WDR35: variants seen among roughly 807,000 people sequenced by gnomAD.
WDR35 encodes WD repeat-containing protein 35.
A neutral mutation model predicts 158.3 loss-of-function variants in WDR35; 118 were observed. That is an observed-to-expected ratio of 0.75 (90% CI 0.64 to 0.87). WDR35 has a LOEUF of 0.87. Among genes scored for constraint, WDR35 ranks in the 40% least tolerant of loss-of-function variants. The probability of loss-of-function intolerance (pLI) is 0.00; values close to 1 mark genes in which losing one functional copy is unlikely to be tolerated. For missense variants in WDR35, 1,263 were observed against 1,405.8 expected, an observed-to-expected ratio of 0.90 and a Z score of 1.62; for synonymous variants, 448 against 476.1, an observed-to-expected ratio of 0.94 and a Z score of 0.77.
intron 11 of WDR35, among the ~76,000 whole-genome samples, chr2:19,955,984 A>C (rs1671415832): frequency 6.6e-6 from 1 of 152,148 alleles, no homozygotes; most frequent in African/African-American, 2.4e-5. Context: ...CAACCTCTGG[A>C]GGGAGCTCAA....
Position 19,970,743 on chromosome 2 carries a change from A to G in WDR35, c.883-1138T>C, listed in dbSNP as rs553864092. Among the ~76,000 whole-genome samples, 10 of 152,216 alleles carry G rather than the reference A, an allele frequency of 6.6e-5. No homozygotes were observed. The East Asian group carries it at 1.9e-3, about 29-fold the overall frequency. ...CTGCCTCCACAGCTTTGGCCTATAC[A>G]ATATCCCTTCTGCCTGAAATCCCCC... On this transcript the variant is annotated intron_variant, in intron 8 of 26. Coordinates refer to ENST00000281405, the MANE Select transcript of WDR35 (RefSeq NM_020779.4).
At position 19,963,086 on chromosome 2, in the gene WDR35, CACT is replaced by C. The variant is rs1671716191; in HGVS notation, c.1195-2475_1195-2473del. 5.3e-5 allele frequency among the ~76,000 whole-genome samples: 8 copies of C among 152,238 alleles called. No homozygotes were observed. The South Asian group carries it at 1.7e-3, about 32-fold the overall frequency. ...TTTAGTCCATTAGCTCTTGCCTCCC[CACT>C]ACAAATGACAAGTCTTTAGCTTTCT... On this transcript the variant is annotated intron_variant, in intron 10 of 26. Coordinates refer to ENST00000281405, the MANE Select transcript of WDR35 (RefSeq NM_020779.4).
chr2:19,948,626 A>T (rs1284477621), intron 13 of WDR35, among the ~76,000 whole-genome samples: 1 of 152,218 alleles, frequency 6.6e-6, no homozygotes, highest in Non-Finnish European at 1.5e-5. Context: ...GTAAGAAGGC[A>T]TTGCACTGCA....
intron 11 of WDR35, among the ~76,000 whole-genome samples, chr2:19,958,387 AT>A (rs1359226703): frequency 7.3e-6 from 1 of 137,906 alleles, no homozygotes; most frequent in African/African-American, 2.5e-5. Context: ...ACCAATAACC[AT>A]TTACCTGGCA....
chr2:19,950,852 AGAG>A (rs374988831), intron 13 of WDR35, among the ~76,000 whole-genome samples: 11 of 74,304 alleles, frequency 1.5e-4, no homozygotes, highest in East Asian at 2.4e-4. Flanking sequence ...AACCTGTAAG[AGAG>A]GAGATGACAT....
chr2:19,966,029 C>T (rs191919505), intron 10 of WDR35, among the ~76,000 whole-genome samples: 162 of 152,206 alleles, frequency 1.1e-3, no homozygotes, highest in African/African-American at 3.7e-3. Context: ...CTTTCTGGTC[C>T]CTATGGGCTT....
At chr2:19,927,394 T>C (rs570188101) in intron 25 of WDR35, among the ~76,000 whole-genome samples, 20 of 152,338 alleles carry the variant, frequency 1.3e-4, no homozygotes, top group Non-Finnish European at 2.1e-4. Context: ...ATGATTCCTA[T>C]GGAATCATTA....
At chr2:19,962,823 A>G (rs1671705871) in intron 10 of WDR35, among the ~76,000 whole-genome samples, 1 of 152,304 alleles carries the variant, frequency 6.6e-6, no homozygotes, top group Non-Finnish European at 1.5e-5. Flanking sequence ...CTCTTCCACT[A>G]CTTAAAATAA....
intron 19 of WDR35, among the ~76,000 whole-genome samples, chr2:19,936,794 G>A (rs769437405): frequency 2.6e-5 from 4 of 152,066 alleles, no homozygotes; most frequent in African/African-American, 4.8e-5. Context: ...ACTTGTTGAC[G>A]CCTTGATCTT....
chr2:19,923,075 G>A (rs1203094375), intron 25 of WDR35, among the ~76,000 whole-genome samples: 1 of 152,176 alleles, frequency 6.6e-6, no homozygotes, highest in African/African-American at 2.4e-5. Flanking sequence ...AATATCTATA[G>A]AAACAAGGCT....
intron 12 of WDR35, among the ~76,000 whole-genome samples, chr2:19,952,784 T>C (rs969497348): frequency 5.8e-5 from 8 of 138,002 alleles, no homozygotes; most frequent in African/African-American, 2.2e-4. Flanking sequence ...CAACATACTT[T>C]TTTTTTTTTT....
In WDR35 at chr2:19,969,492, T is replaced by C. The variant is rs1171210320; in HGVS notation, c.996A>G (p.Arg332=). ...TCTTAATATTTACCTTATAATTAGG[T>C]CGAATGTTTGCAAAATATATAAAGG... ...VDSFIYFANI[R]PNYKWGYCSN... Residue 332 remains arginine, a synonymous_variant, in exon 9 of 27, where the codon CGA becomes CGG. Coordinates refer to ENST00000281405, the MANE Select transcript of WDR35 (RefSeq NM_020779.4). 2 of 1,612,336 alleles carry C rather than the reference T, an allele frequency of 1.2e-6. No homozygotes were observed. Among genetic ancestry groups the C allele is most frequent in the Non-Finnish European group, 1.7e-6 (2 of 1,178,782 alleles).
intron 9 of WDR35, among the ~76,000 whole-genome samples, chr2:19,967,800 CTTA>C (rs1393357880): frequency 1.3e-5 from 2 of 152,064 alleles, no homozygotes; most frequent in Non-Finnish European, 2.9e-5. Context: ...ATCCATTTCC[CTTA>C]TTGTTAACAT....
At chr2:19,931,524 T>C (rs1670526694) in intron 23 of WDR35, 115 bp from the exon 24 acceptor site, 2 of 1,175,010 alleles carry the variant, frequency 1.7e-6, no homozygotes, top group South Asian at 1.3e-5. Context: ...ATCAGTAAGA[T>C]GGAATATAAA....
In WDR35 at chr2:19,946,319, A is replaced by G. The variant is rs1671050987; in HGVS notation, c.1634+142T>C. On this transcript the variant is annotated intron_variant, in intron 15 of 26. Transcript: ENST00000281405. ...AATTAAAAACATTTAAACCAAATGC[A>G]GTATAAAATAAAACCATACTGAATT... 3.9e-6 allele frequency: 3 copies of G among 774,418 alleles called. No homozygotes were observed. The South Asian group carries it at 4.6e-5, about 12-fold the overall frequency. The allele number at this position is 774,418 out of a possible 1,614,324, so 48.0% of individuals were successfully genotyped here. A position where few individuals can be genotyped will look rare whatever the true frequency, so the allele number is the denominator to read the frequency against.
At chr2:19,982,313 T>C in intron 3 of WDR35, 150 bp downstream of exon 3, 1 of 780,278 alleles carries the variant, frequency 1.3e-6, no homozygotes, top group Non-Finnish European at 2.1e-6. Flanking sequence ...ACAATGGGTT[T>C]ATTGGAACAT....
At chr2:19,914,383 C>T (rs139990645) in intron 25 of WDR35, 106 bp from the exon 26 acceptor site, 39 of 1,461,164 alleles carry the variant, frequency 2.7e-5, no homozygotes, top group African/African-American at 1.7e-4. Flanking sequence ...CTTGCATGAA[C>T]GAACTGAAAG....
Position 19,934,022 on chromosome 2 carries a change from A to AC in WDR35, c.2548-512_2548-511insG. Among the ~76,000 whole-genome samples, 1 of 142,042 alleles carries AC rather than the reference A, an allele frequency of 7.0e-6. No individual in the cohort carries two copies. Among genetic ancestry groups the AC allele is most frequent in the Non-Finnish European group, 1.5e-5 (1 of 65,770 alleles). The allele number at this position is 142,042 out of a possible 152,430, so 93.2% of individuals were successfully genotyped here. A position where few individuals can be genotyped will look rare whatever the true frequency, so the allele number is the denominator to read the frequency against. On this transcript the variant is annotated intron_variant, in intron 21 of 26. Coordinates refer to ENST00000281405, the MANE Select transcript of WDR35 (RefSeq NM_020779.4). This position sits in a 1 kb window ranked among gnomAD's most constrained non-coding sequence, Gnocchi z 4.6. ...TCTTGGAAAGTGGTGGCAGCGAGGAAGAACCACCACCACCACCACCACCAC... is the reference window on the plus strand; with the variant it reads ...TCTTGGAAAGTGGTGGCAGCGAGGAACGAACCACCACCACCACCACCACCAC...
At chr2:19,936,457 G>A in intron 19 of WDR35, 92 bp from the exon 20 acceptor site, 1 of 1,575,398 alleles carries the variant, frequency 6.3e-7, no homozygotes, top group Non-Finnish European at 8.7e-7. Flanking sequence ...TAGGTGCTGA[G>A]GCTACACAGC....
Sources: allele counts gnomAD v4.1 joint callset (sites outside exome capture counted in the v4.1 genomes callset), GRCh38; gene constraint gnomAD v4.1.1; non-coding constraint Gnocchi (gnomAD v3.1); transcripts MANE v1.5; gene names NCBI Gene and HGNC (gene_info 2026-07-23, HGNC 2026-07-21).